The following CDON variants were observed in gnomAD, a reference collection of about 807,000 sequenced individuals.
CDON encodes the protein cell adhesion molecule-related/down-regulated by oncogenes.
In CDON, 73 loss-of-function variants were observed where a neutral mutation model predicts 120.9. That is an observed-to-expected ratio of 0.60 (90% confidence interval 0.50 to 0.73). The LOEUF is 0.73. Among genes scored for constraint, CDON ranks in the 30% least tolerant of loss-of-function variants. CDON has a pLI of 0.00. For synonymous variants in CDON, 566 were observed against 573.5 expected, an observed-to-expected ratio of 0.99 and a Z score of 0.19; for missense variants, 1,470 against 1,587.3, an observed-to-expected ratio of 0.93 and a Z score of 1.26.
At chr11:126,025,250 T>C (rs1175949308) in intron 1 of CDON, among the ~76,000 whole-genome samples, 2 of 151,888 alleles carry the variant, frequency 1.3e-5, no homozygotes, top group African/African-American at 4.8e-5. Context: ...GAAATATTTC[T>C]AGAAGAAGAG....
At chr11:126,014,266 CAAAG>C (rs1275215367) in intron 7 of CDON, among the ~76,000 whole-genome samples, 1 of 151,914 alleles carries the variant, frequency 6.6e-6, no homozygotes, top group Non-Finnish European at 1.5e-5. Flanking sequence ...GAGCGAAAGA[CAAAG>C]AACAGTCAAT....
Position 125,960,921 on chromosome 11 carries a change from T to C in CDON, c.*21A>G, listed in dbSNP as rs548963736. 10 of 1,613,350 alleles carry C rather than the reference T, an allele frequency of 6.2e-6. No individual in the cohort carries two copies. The East Asian group carries it at 2.0e-4, about 32-fold the overall frequency. On this transcript the variant is annotated 3_prime_UTR_variant, in exon 20 of 20. Coordinates refer to ENST00000531738, the MANE Select transcript of CDON (RefSeq NM_001378964.1). ...CAGTTACCGGCTTGAAGTTGGAACATGACTGGTTGTTTGCATGTCCTCAGG... is the reference window on the plus strand; with the variant it reads ...CAGTTACCGGCTTGAAGTTGGAACACGACTGGTTGTTTGCATGTCCTCAGG...
At chr11:126,016,834 G>A (rs923723506) in intron 6 of CDON, among the ~76,000 whole-genome samples, 15 of 152,112 alleles carry the variant, frequency 9.9e-5, no homozygotes, top group Middle Eastern at 3.2e-3. Context: ...TTATGAAGAA[G>A]GGAGAATAAT....
intron 5 of CDON, 78 bp from the exon 6 acceptor site, chr11:126,017,453 A>G (rs1372590647): frequency 1.8e-5 from 24 of 1,370,710 alleles, no homozygotes; most frequent in Non-Finnish European, 2.5e-5. Context: ...TGTGGGCATC[A>G]CCATTTTCCC....
intron 1 of CDON, among the ~76,000 whole-genome samples, chr11:126,031,331 T>C (rs1349739590): frequency 1.3e-5 from 2 of 152,192 alleles, no homozygotes; most frequent in African/African-American, 4.8e-5. Context: ...CTTTTTGCAA[T>C]AATGGCTCTT....
Position 125,966,156 on chromosome 11 carries a change from C to T in CDON, c.3357-4158G>A, listed in dbSNP as rs550087048. On this transcript the variant is annotated intron_variant, in intron 18 of 19. Transcript: ENST00000531738. ...CCATCTCAAAAAAAAAAAAAAAATT[C>T]GATAAAAAGTACTGGGCACATCAGG... Among the ~76,000 whole-genome samples, 149 of 147,694 alleles carry T rather than the reference C, an allele frequency of 1.0e-3. 1 individual carries two copies. The highest frequency in any genetic ancestry group is 0.01 in the Admixed American group (148 of 14,762).
chr11:126,026,732 G>A (rs1947803353), intron 1 of CDON, among the ~76,000 whole-genome samples: 1 of 152,196 alleles, frequency 6.6e-6, no homozygotes. Flanking sequence ...GTCCAGCTGT[G>A]TGAAAACTTT....
intron 1 of CDON, among the ~76,000 whole-genome samples, chr11:126,026,991 T>C (rs1947808992): frequency 6.6e-6 from 1 of 152,222 alleles, no homozygotes; most frequent in Admixed American, 6.5e-5. Flanking sequence ...TTTATAGTTG[T>C]CCTTGAAAGT....
chr11:125,962,063 A>G, intron 18 of CDON, 65 bp from the exon 19 acceptor site: 1 of 1,231,102 alleles, frequency 8.1e-7, no homozygotes, highest in Non-Finnish European at 1.2e-6. Flanking sequence ...AAATAAGCCT[A>G]TTCTGAAATA....
At chr11:125,971,913 C>G (rs1268346038) in intron 18 of CDON, among the ~76,000 whole-genome samples, 1 of 152,200 alleles carries the variant, frequency 6.6e-6, no homozygotes, top group Non-Finnish European at 1.5e-5. Context: ...AATTACATAT[C>G]CAGAACTGCA....
intron 1 of CDON, among the ~76,000 whole-genome samples, chr11:126,033,778 G>C (rs1160687947): frequency 2.6e-5 from 4 of 152,136 alleles, no homozygotes; most frequent in African/African-American, 9.7e-5. Flanking sequence ...AGGAGGAAAG[G>C]AGAGGCAAAC....
At chr11:126,000,378 T>A (rs913584712) in intron 11 of CDON, among the ~76,000 whole-genome samples, 1 of 151,176 alleles carries the variant, frequency 6.6e-6, no homozygotes, top group African/African-American at 2.4e-5. Context: ...TGGCTACTTT[T>A]AAAATTTTTT....
chr11:125,990,401 G>T (rs930718618), intron 14 of CDON, among the ~76,000 whole-genome samples: 1 of 152,192 alleles, frequency 6.6e-6, no homozygotes, highest in Non-Finnish European at 1.5e-5. Flanking sequence ...CTAGCAGAAT[G>T]ATTCTGTTAT....
chr11:126,039,613 T>C (rs1194797590), intron 1 of CDON, among the ~76,000 whole-genome samples: 1 of 152,198 alleles, frequency 6.6e-6, no homozygotes, highest in African/African-American at 2.4e-5. Flanking sequence ...ATACTACAAC[T>C]GCTCAACACC....
chr11:126,028,317 T>C (rs1478960031), intron 1 of CDON, among the ~76,000 whole-genome samples: 1 of 152,154 alleles, frequency 6.6e-6, no homozygotes, highest in African/African-American at 2.4e-5. Flanking sequence ...TAATACATGT[T>C]AGGGTTTTAA....
intron 1 of CDON, among the ~76,000 whole-genome samples, chr11:126,047,106 C>CT (rs1010369108): frequency 2.4e-4 from 36 of 152,262 alleles, no homozygotes; most frequent in African/African-American, 8.2e-4. Context: ...TAGCTATCCC[C>CT]TTGCTTTTAG....
intron 14 of CDON, 23 bp downstream of exon 14, chr11:125,994,261 C>G: frequency 7.9e-7 from 1 of 1,260,570 alleles, no homozygotes; most frequent in Non-Finnish European, 1.2e-6. Context: ...TTTACAGGGA[C>G]TCCAGTGTGC....
At chr11:126,041,514 C>T (rs895962393) in intron 1 of CDON, among the ~76,000 whole-genome samples, 2 of 152,160 alleles carry the variant, frequency 1.3e-5, no homozygotes, top group African/African-American at 4.8e-5. Flanking sequence ...GTTGGGCTTC[C>T]TACAACATAT....
At chr11:125,962,496 G>A (rs769381265) in intron 18 of CDON, among the ~76,000 whole-genome samples, 5 of 152,228 alleles carry the variant, frequency 3.3e-5, no homozygotes, top group Admixed American at 1.3e-4. Context: ...TGGAGGAAAC[G>A]CTATAAGGAT....
Sources: allele counts gnomAD v4.1 joint callset (sites outside exome capture counted in the v4.1 genomes callset), GRCh38; gene constraint gnomAD v4.1.1; transcripts MANE v1.5; gene names NCBI Gene and HGNC (gene_info 2026-07-23, HGNC 2026-07-21).